RELL1: variants seen among roughly 807,000 people sequenced by gnomAD.
RELL1 encodes the protein RELT like 1, also known as RELT-like protein 1.
In RELL1, 10 loss-of-function variants were observed where a neutral mutation model predicts 23.0. The ratio of observed to expected loss-of-function variants is 0.43; its 90% CI spans 0.27 to 0.74. RELL1 has a LOEUF of 0.74. RELL1 is among the 30% of genes least tolerant of loss of function. The pLI is 0.19. For missense variants in RELL1, 315 were observed against 364.4 expected (o/e 0.86, Z 1.10); for synonymous variants, 146 against 146.8 (o/e 0.99, Z 0.04).
chr4:37,609,249 C>T (rs1719306111), downstream of RELL1, among the ~76,000 whole-genome samples: 1 of 152,162 alleles, frequency 6.6e-6, no homozygotes, highest in African/African-American at 2.4e-5. Flanking sequence ...TATGCTAAAT[C>T]GACTCTGCCT....
intron 1 of RELL1, among the ~76,000 whole-genome samples, chr4:37,674,378 C>T (rs887782613): frequency 1.5e-4 from 23 of 152,238 alleles, no homozygotes; most frequent in African/African-American, 4.3e-4. Context: ...TTGACAATCA[C>T]GACTGTGAAA....
chr4:37,626,868 T>G (rs1719970075), intron 6 of RELL1, among the ~76,000 whole-genome samples: 1 of 146,468 alleles, frequency 6.8e-6, no homozygotes, highest in Non-Finnish European at 1.5e-5. Flanking sequence ...AGAAAGGTGG[T>G]TAGAGGTAGG....
At chr4:37,684,306 T>G (rs917150877) in intron 1 of RELL1, among the ~76,000 whole-genome samples, 2 of 152,054 alleles carry the variant, frequency 1.3e-5, no homozygotes, top group African/African-American at 4.8e-5. Context: ...TCTGTATCCT[T>G]TCCTTTTTAG....
intron 6 of RELL1, among the ~76,000 whole-genome samples, chr4:37,616,810 T>A (rs1283499878): frequency 6.6e-6 from 1 of 152,190 alleles, no homozygotes; most frequent in African/African-American, 2.4e-5. Context: ...AGTTAGAGAT[T>A]TATCTTGTTC....
At chr4:37,606,215 A>T (rs997684791), downstream of RELL1, among the ~76,000 whole-genome samples, 1 of 147,870 alleles carries the variant, frequency 6.8e-6, no homozygotes. The surrounding 1 kb of genome is among the most constrained non-coding windows in gnomAD (Gnocchi z 4.1). Flanking sequence ...AAAGAAGGAA[A>T]GAAAGAAAAA....
chr4:37,621,978 G>C (rs577054491), intron 6 of RELL1, among the ~76,000 whole-genome samples: 35 of 152,132 alleles, frequency 2.3e-4, no homozygotes, highest in Admixed American at 6.5e-4. Flanking sequence ...ATGTTTTTAG[G>C]TCCACTCAAA....
At chr4:37,647,963 T>G (rs1305502415) in intron 2 of RELL1, among the ~76,000 whole-genome samples, 1 of 152,228 alleles carries the variant, frequency 6.6e-6, no homozygotes, top group Non-Finnish European at 1.5e-5. Flanking sequence ...CTCAGTTTAC[T>G]TTGGGGACTC....
At chr4:37,622,542 T>A (rs372231107) in intron 6 of RELL1, among the ~76,000 whole-genome samples, 29 of 152,242 alleles carry the variant, frequency 1.9e-4, no homozygotes, top group African/African-American at 7.0e-4. Flanking sequence ...TAATATCCAA[T>A]ACACTGGAGA....
intron 6 of RELL1, among the ~76,000 whole-genome samples, chr4:37,618,108 A>AT (rs1329636006): frequency 3.4e-4 from 52 of 152,244 alleles, no homozygotes; most frequent in Admixed American, 7.9e-4. Context: ...GCCATGCTGC[A>AT]TATCATTTTT....
intron 6 of RELL1, among the ~76,000 whole-genome samples, chr4:37,592,741 GAGA>G (rs767048958): frequency 4.6e-5 from 7 of 151,802 alleles, no homozygotes; most frequent in Admixed American, 1.3e-4. Flanking sequence ...TCTGTAAAGT[GAGA>G]AGAATAATTG....
intron 1 of RELL1, among the ~76,000 whole-genome samples, chr4:37,673,602 C>T (rs2109311365): frequency 6.6e-6 from 1 of 152,296 alleles, no homozygotes; most frequent in East Asian, 1.9e-4. Context: ...ATCTATTCTG[C>T]TGCATAGATC....
intron 6 of RELL1, among the ~76,000 whole-genome samples, chr4:37,617,241 A>G (rs911004921): frequency 6.6e-6 from 1 of 152,332 alleles, no homozygotes; most frequent in Middle Eastern, 3.4e-3. Flanking sequence ...GTTGCAGTCC[A>G]GGACTCTGCT....
chr4:37,639,903 G>A (rs1452892182), intron 3 of RELL1, among the ~76,000 whole-genome samples: 2 of 152,110 alleles, frequency 1.3e-5, no homozygotes, highest in African/African-American at 2.4e-5. Flanking sequence ...ACAGTTAAGG[G>A]CTTACAATGT....
chr4:37,658,141 G>T (rs1323907593), intron 1 of RELL1, among the ~76,000 whole-genome samples: 1 of 152,114 alleles, frequency 6.6e-6, no homozygotes, highest in East Asian at 1.9e-4. Flanking sequence ...AGGAGGCTTA[G>T]CAGAGAGACT....
rs576955781 is a variant in RELL1 at position 37,657,152 on chromosome 4, A to G, written c.89-7652T>C. Among the ~76,000 whole-genome samples the G allele has an allele frequency of 3.3e-5, 5 of 152,360 alleles. No homozygotes were observed. In the East Asian group the frequency reaches 9.6e-4, roughly 29 times the overall value. On this transcript the variant is annotated intron_variant, in intron 1 of 6. Coordinates refer to ENST00000454158, the MANE Select transcript of RELL1 (RefSeq NM_001085400.2). ...TTCTCTGTAGTTTCCTGAAGTAAAC[A>G]TTCTTTAAAAATTCTAAAGATAAAG...
At chr4:37,681,718 G>A (rs1220074932) in intron 1 of RELL1, among the ~76,000 whole-genome samples, 1 of 151,948 alleles carries the variant, frequency 6.6e-6, no homozygotes, top group African/African-American at 2.4e-5. Flanking sequence ...TAGTAGAGAC[G>A]GGGTTTCACC....
chr4:37,618,550 T>C (rs34985412), intron 6 of RELL1, among the ~76,000 whole-genome samples: 27 of 152,310 alleles, frequency 1.8e-4, no homozygotes, highest in Non-Finnish European at 3.2e-4. Flanking sequence ...TACTTCAATC[T>C]TTGGCATTTG....
At chr4:37,613,461 T>A (rs534615473) in intron 6 of RELL1, 119 bp from the exon 7 acceptor site, 4 of 150,158 alleles carry the variant, frequency 2.7e-5, no homozygotes, top group Admixed American at 6.6e-5. Flanking sequence ...CCCTGTCCCA[T>A]CCCATCCCAC....
chr4:37,676,313 C>G (rs1722022897), intron 1 of RELL1, among the ~76,000 whole-genome samples: 1 of 152,158 alleles, frequency 6.6e-6, no homozygotes, highest in African/African-American at 2.4e-5. Flanking sequence ...CTGTAAGGTA[C>G]TTTGTTAATA....
Sources: allele counts gnomAD v4.1 joint callset (sites outside exome capture counted in the v4.1 genomes callset), GRCh38; gene constraint gnomAD v4.1.1; non-coding constraint Gnocchi (gnomAD v3.1); transcripts MANE v1.5; gene names NCBI Gene and HGNC (gene_info 2026-07-23, HGNC 2026-07-21).